Variants in PLEC observed in about 807,000 individuals in gnomAD.
The protein encoded by PLEC is plectin.
In PLEC, 216 loss-of-function variants were observed where a neutral mutation model predicts 392.8. The observed-to-expected ratio is 0.55, with a 90% CI of 0.49 to 0.62. The LOEUF is 0.62. PLEC is among the 20% of genes least tolerant of loss of function. The pLI, the probability that PLEC is intolerant of heterozygous loss-of-function variation, is 0.00. For missense variants in PLEC, 6,863 were observed against 6,563.4 expected, an observed-to-expected ratio of 1.05 and a Z score of -1.58; for synonymous variants, 3,621 against 2,980.6, an observed-to-expected ratio of 1.21 and a Z score of -7.00.
chr8:143,920,907 G>C lies in PLEC; in HGVS notation c.8914C>G (p.Leu2972Val), dbSNP rs1822414615. 1 of 1,612,298 alleles carries C rather than the reference G, an allele frequency of 6.2e-7. No individual in the cohort carries two copies. Among genetic ancestry groups the C allele is most frequent in the South Asian group, 1.1e-5 (1 of 91,090 alleles). Residue 2972 changes from leucine to valine, a missense_variant, in exon 32 of 32, where the codon CTT (leucine) becomes GTT (valine). Transcript: ENST00000345136. ...AGGCTGCGCAGGCCCTCAAAGCAAA[G>C]CCGGCCCTTCTGCTCCTGCTCCTCC... ...VVEEQEQKGRLCFEGLRSLVP... is the reference protein window; with the variant it reads ...VVEEQEQKGRVCFEGLRSLVP...
At chr8:143,931,806 C>G in intron 18 of PLEC, 131 bp downstream of exon 18, 1 of 1,446,390 alleles carries the variant, frequency 6.9e-7, no homozygotes, top group East Asian at 2.5e-5. Flanking sequence ...TCCAAGGCCC[C>G]GGTCAGGCTG....
chr8:143,975,882 C>T (rs1317694987), upstream of PLEC, among the ~76,000 whole-genome samples: 1 of 152,180 alleles, frequency 6.6e-6, no homozygotes, highest in Non-Finnish European at 1.5e-5. The surrounding 1 kb of genome is among the most constrained non-coding windows in gnomAD (Gnocchi z 9.9). Flanking sequence ...CAAACTGGAC[C>T]CGCCTCTAAC....
In PLEC at chr8:143,935,191, G is replaced by A. The variant is rs1828683276; in HGVS notation, c.718+7C>T. On this transcript the variant is annotated splice_region_variant and intron_variant, in intron 7 of 31. Coordinates refer to ENST00000345136, the MANE Select transcript of PLEC (RefSeq NM_201384.3). ...AAGGGACAGGGAGGAAGGCCACGCA[G>A]ACGTACCCTCAGGGTCCAGGAGCCG... 1 of 1,611,778 alleles carries A rather than the reference G, an allele frequency of 6.2e-7. No individual in the cohort carries two copies. Among genetic ancestry groups the A allele is most frequent in the Admixed American group, 1.7e-5 (1 of 59,992 alleles).
chr8:143,947,463 G>C (rs1554732979), intron 1 of PLEC, among the ~76,000 whole-genome samples: 2 of 152,202 alleles, frequency 1.3e-5, no homozygotes, highest in African/African-American at 4.8e-5. Context: ...CATTTGCAAT[G>C]TAAATTAGGG....
Position 143,929,518 on chromosome 8 carries a change from G to C in PLEC, c.2977C>G (p.Arg993Gly). The C allele has an allele frequency of 1.2e-6, 2 of 1,612,490 alleles. No homozygotes were observed. Among genetic ancestry groups the C allele is most frequent in the Middle Eastern group, 1.7e-4 (1 of 5,998 alleles). Residue 993 changes from arginine to glycine, a missense_variant, in exon 24 of 32, where the codon CGG (arginine) becomes GGG (glycine). Transcript: ENST00000345136. ...QRCISELKDI[R>G]LQLEACETRT... ...GTCTCACAGGCCTCCAGCTGCAGCC[G>C]GATGTCTTTGAGCTCGGAGATGCAG...
rs200585446 is a variant in PLEC at position 143,917,501 on chromosome 8, C to T, written c.12320G>A (p.Arg4107His). 79 of 1,613,770 alleles carry T rather than the reference C, an allele frequency of 4.9e-5. 1 individual carries two copies. The Middle Eastern group carries it at 4.9e-4, about 10-fold the overall frequency. The change falls in exon 32 of 32, where the codon CGT becomes CAT. Residue 4107 changes from arginine (R) to histidine (H), a missense_variant. Arg to His is a conservative substitution (Grantham distance 29). Coordinates refer to ENST00000345136, the MANE Select transcript of PLEC (RefSeq NM_201384.3). Reference sequence around the variant, plus strand: ...GCCCGTCTGGGGGTCAGTGATACAACGCTCCATCAGCTGCAGGTAGGTGAG... The same window carrying T: ...GCCCGTCTGGGGGTCAGTGATACAATGCTCCATCAGCTGCAGGTAGGTGAG... ...ENLTYLQLME[R>H]CITDPQTGLC...
At chr8:143,953,799 G>T, upstream of PLEC, 1 of 1,611,320 alleles carries the variant, frequency 6.2e-7, no homozygotes, top group Non-Finnish European at 8.5e-7. Context: ...GGGCGGCTGT[G>T]CCACCACCAG....
rs537742255 is a variant in PLEC, at chr8:143,933,918, C to G, written c.1263+80G>C. 3.0e-4 allele frequency: 381 copies of G among 1,285,768 alleles called. 4 individuals carry two copies. In the East Asian group the frequency reaches 8.6e-3, roughly 29 times the overall value. 79.6% of individuals were successfully genotyped at this position (1,285,768 alleles called of 1,614,324 possible). A position where few individuals can be genotyped will look rare whatever the true frequency, so the allele number is the denominator to read the frequency against. On this transcript the variant is annotated intron_variant, in intron 12 of 31. Transcript: ENST00000345136. ...CCCCAGGAGCCCAGGGGGACAGCCC[C>G]CTCCTGGCTTTAGGGCTGCAGGGCG...
In PLEC at chr8:143,916,857, T is replaced by C. The variant is rs1430436113; in HGVS notation, c.12964A>G (p.Ile4322Val). Residue 4322 changes from isoleucine to valine, a missense_variant, in exon 32 of 32, where the codon ATC (isoleucine) becomes GTC (valine). Ile to Val is a conservative substitution (Grantham distance 29). Coordinates refer to ENST00000345136, the MANE Select transcript of PLEC (RefSeq NM_201384.3). ...LEAQACTGGI[I>V]DPSTGERFPV... ...AAGCGCTCACCGGTGCTGGGGTCGA[T>C]GATGCCCCCGGTGCAGGCCTGCGCC... 2.5e-6 allele frequency: 4 copies of C among 1,611,842 alleles called. No homozygotes were observed. The highest frequency in any genetic ancestry group is 2.2e-5 in the South Asian group (2 of 91,014).
chr8:143,947,995 C>A (rs1240456055), intron 1 of PLEC, among the ~76,000 whole-genome samples: 1 of 152,224 alleles, frequency 6.6e-6, no homozygotes, highest in African/African-American at 2.4e-5. Context: ...ACGCTCTCCT[C>A]ACCCAGTTCA....
rs1218229570 is a variant in PLEC, at chr8:143,929,116, T to C, written c.3247A>G (p.Ile1083Val). The change falls in exon 25 of 32, where the codon ATC (isoleucine) becomes GTC (valine). Residue 1083 changes from isoleucine (I) to valine (V), a missense_variant. By Grantham distance (29) the Ile-to-Val change is conservative (BLOSUM62 3). Transcript: ENST00000345136. ...AGGTGCACTCACTTCTCCAGGTAGA[T>C]GGCAGACAGGCTGCGGACCTGCTCC... ...KLEQVRSLSA[I>V]YLEKLKTISL... 5.7e-6 allele frequency: 9 copies of C among 1,578,530 alleles called. No homozygotes were observed. The highest frequency in any genetic ancestry group is 7.7e-6 in the Non-Finnish European group (9 of 1,163,084).
chr8:143,937,870 C>G (rs913304751), intron 3 of PLEC: 31 of 627,616 alleles, frequency 4.9e-5, no homozygotes, highest in Admixed American at 3.0e-4. Flanking sequence ...CAAAGCGGAG[C>G]ATGAGGTTAC....
upstream of PLEC, among the ~76,000 whole-genome samples, chr8:143,951,376 C>A (rs567642613): frequency 6.6e-6 from 1 of 151,906 alleles, no homozygotes; most frequent in African/African-American, 2.4e-5. Context: ...TGGGGTCTTG[C>A]GGGAGGAAGT....
chr8:143,975,044 C>T, upstream of PLEC: 2 of 1,012,772 alleles, frequency 2.0e-6, no homozygotes, highest in Non-Finnish European at 3.0e-6. The surrounding 1 kb of genome is among the most constrained non-coding windows in gnomAD (Gnocchi z 9.9). Context: ...CTGGGACGCG[C>T]GAGGCCCTCC....
At chr8:143,959,792 T>C (rs371747231) in intron 1 of PLEC, among the ~76,000 whole-genome samples, 11 of 151,602 alleles carry the variant, frequency 7.3e-5, no homozygotes, top group South Asian at 4.2e-4. Context: ...GTCAGGAGAT[T>C]GAGACCATCC....
Position 143,960,025 on chromosome 8 carries a change from G to A in PLEC, c.70+13378C>T, listed in dbSNP as rs371492294. Among the ~76,000 whole-genome samples the A allele has an allele frequency of 2.6e-3, 390 of 152,136 alleles. 3 individuals carry two copies. The highest frequency in any genetic ancestry group is 8.0e-3 in the African/African-American group (334 of 41,498). ...GCCAGGCACGCGGTGGCTCACGCCT[G>A]TAATCCCAGCACTTTGGGAGGCCGA... On this transcript the variant is annotated intron_variant, in intron 1 of 31. Coordinates refer to the PLEC transcript ENST00000356346.
At chr8:143,959,544 G>T (rs553081875) in intron 1 of PLEC, among the ~76,000 whole-genome samples, 3 of 152,342 alleles carry the variant, frequency 2.0e-5, no homozygotes, top group Non-Finnish European at 4.4e-5. Flanking sequence ...GCTCTGCCAG[G>T]AGACTCCTTA....
At chr8:143,938,870 G>A (rs1554726096) in intron 1 of PLEC, among the ~76,000 whole-genome samples, 178 bp from the exon 2 acceptor site, 1 of 152,078 alleles carries the variant, frequency 6.6e-6, no homozygotes, top group Non-Finnish European at 1.5e-5. Context: ...CCACACAGCA[G>A]AGACCCAGGT....
upstream of PLEC, among the ~76,000 whole-genome samples, chr8:143,953,052 C>A (rs62523996): frequency 3.7e-4 from 54 of 146,928 alleles, no homozygotes; most frequent in South Asian, 4.7e-3. Context: ...AGCACACACA[C>A]CCCTGCGCCA....
Sources: gnomAD v4.1 joint callset for allele counts (sites outside exome capture counted in the v4.1 genomes callset) on GRCh38, gnomAD v4.1.1 for gene constraint, Gnocchi (gnomAD v3.1) non-coding constraint, MANE v1.5 for transcripts, NCBI Gene and HGNC (gene_info 2026-07-23, HGNC 2026-07-21) for gene names.